The following CDH13 variants were observed in gnomAD, a reference collection of about 807,000 sequenced individuals.
CDH13 encodes cadherin 13, also known as cadherin-13.
In CDH13, 24 loss-of-function variants were observed where a neutral mutation model predicts 63.8. The ratio of observed to expected loss-of-function variants is 0.38; its 90% CI spans 0.27 to 0.53. The LOEUF (loss-of-function observed/expected upper bound fraction) is 0.53, where lower values mean the gene tolerates loss of function less well. Among genes scored for constraint, CDH13 ranks in the 20% least tolerant of loss-of-function variants. CDH13 has a pLI of 0.85. For missense variants in CDH13, 1,049 were observed against 903.1 expected (o/e 1.16, Z -2.07); for synonymous variants, 503 against 355.3 (o/e 1.42, Z -4.67).
intron 7 of CDH13, among the ~76,000 whole-genome samples, chr16:83,583,641 C>T (rs976659782): frequency 6.6e-6 from 1 of 152,196 alleles, no homozygotes; most frequent in Non-Finnish European, 1.5e-5. Context: ...GATTTGGTGG[C>T]TCACGCCTAT....
intron 2 of CDH13, among the ~76,000 whole-genome samples, chr16:82,888,581 G>A (rs1482825318): frequency 6.6e-6 from 1 of 152,298 alleles, no homozygotes; most frequent in East Asian, 1.9e-4. Context: ...ACTGTTCTCA[G>A]CCATTAAAGC....
intron 10 of CDH13, among the ~76,000 whole-genome samples, chr16:83,699,153 C>T (rs945059359): frequency 5.3e-5 from 8 of 152,198 alleles, no homozygotes; most frequent in Non-Finnish European, 4.4e-5. Context: ...AGACATGGCC[C>T]CCAAAGCACG....
chr16:82,662,408 A>G (rs978505870), intron 1 of CDH13, among the ~76,000 whole-genome samples: 1 of 152,228 alleles, frequency 6.6e-6, no homozygotes, highest in Non-Finnish European at 1.5e-5. Flanking sequence ...TACTGTTGTA[A>G]TTAAAAAGAG....
intron 8 of CDH13, among the ~76,000 whole-genome samples, chr16:83,653,375 A>T (rs1434805280): frequency 9.9e-5 from 15 of 152,144 alleles, no homozygotes; most frequent in Admixed American, 9.8e-4. Context: ...ACTATAGGGG[A>T]TGTCACCCAA....
At chr16:83,749,272 C>T (rs1049387022) in intron 11 of CDH13, among the ~76,000 whole-genome samples, 6 of 152,122 alleles carry the variant, frequency 3.9e-5, no homozygotes, top group African/African-American at 1.2e-4. Flanking sequence ...CCTCGTATGC[C>T]GGCTACTCAC....
At chr16:83,030,672 T>G (rs989116534) in intron 2 of CDH13, among the ~76,000 whole-genome samples, 1 of 136,884 alleles carries the variant, frequency 7.3e-6, no homozygotes, top group Non-Finnish European at 1.6e-5. Context: ...AAGCACCCTG[T>G]GTGATTCTGA....
At position 82,992,537 on chromosome 16, in the gene CDH13, A is replaced by G. The variant is rs190412446; in HGVS notation, c.158-39473A>G. Among the ~76,000 whole-genome samples, 224 of 152,348 alleles carry G rather than the reference A, an allele frequency of 1.5e-3. 1 individual carries two copies. The highest frequency in any genetic ancestry group is 5.1e-3 in the African/African-American group (212 of 41,584). On this transcript the variant is annotated intron_variant, in intron 2 of 13. Coordinates refer to ENST00000567109, the MANE Select transcript of CDH13 (RefSeq NM_001257.5). Reference sequence around the variant, plus strand: ...ACTTTAGAGATAATCTAACATTCTCAGAGACTAGAATTCTGCAGTGTTCTG... The same window carrying G: ...ACTTTAGAGATAATCTAACATTCTCGGAGACTAGAATTCTGCAGTGTTCTG...
At chr16:83,341,688 A>C (rs1240042599) in intron 5 of CDH13, among the ~76,000 whole-genome samples, 1 of 152,080 alleles carries the variant, frequency 6.6e-6, no homozygotes, top group African/African-American at 2.4e-5. Flanking sequence ...CTTGGTTTAG[A>C]TTGTTCTACG....
chr16:83,178,254 T>C (rs942821008), intron 4 of CDH13, among the ~76,000 whole-genome samples: 1 of 152,122 alleles, frequency 6.6e-6, no homozygotes, highest in African/African-American at 2.4e-5. Flanking sequence ...TTAATGCACC[T>C]GTGGCTGTAC....
intron 2 of CDH13, among the ~76,000 whole-genome samples, chr16:82,944,680 A>G (rs1187723847): frequency 6.6e-6 from 1 of 152,152 alleles, no homozygotes; most frequent in Non-Finnish European, 1.5e-5. Context: ...ACTGTTGAGA[A>G]ACCCTGGGTA....
At chr16:82,647,486 G>A (rs1910231915) in intron 1 of CDH13, among the ~76,000 whole-genome samples, 1 of 152,108 alleles carries the variant, frequency 6.6e-6, no homozygotes, top group Admixed American at 6.5e-5. Flanking sequence ...ACAGACGAGG[G>A]GTCTGTTACT....
intron 1 of CDH13, among the ~76,000 whole-genome samples, chr16:82,746,767 T>G (rs2034195681): frequency 2.0e-5 from 3 of 152,172 alleles, no homozygotes; most frequent in Admixed American, 2.0e-4. Context: ...AATTTCAGCT[T>G]ATAAAGAAGT....
At chr16:83,720,841 G>A (rs1289503011) in intron 10 of CDH13, among the ~76,000 whole-genome samples, 2 of 152,172 alleles carry the variant, frequency 1.3e-5, no homozygotes, top group Non-Finnish European at 2.9e-5. Context: ...CTTCTTTCAA[G>A]CAAGGTCCTG....
At chr16:82,820,063 A>G (rs563058900) in intron 1 of CDH13, among the ~76,000 whole-genome samples, 5 of 152,272 alleles carry the variant, frequency 3.3e-5, no homozygotes, top group African/African-American at 9.6e-5. Flanking sequence ...TTCCCTGCAC[A>G]TGTCATTAAT....
intron 7 of CDH13, among the ~76,000 whole-genome samples, chr16:83,555,011 C>G (rs576881899): frequency 5.1e-4 from 78 of 151,824 alleles, no homozygotes; most frequent in Non-Finnish European, 8.7e-4. Context: ...CAGACAGAAC[C>G]CTGCGGGGCC....
chr16:83,366,849 T>C (rs577587781), intron 6 of CDH13, among the ~76,000 whole-genome samples: 13 of 152,320 alleles, frequency 8.5e-5, no homozygotes, highest in African/African-American at 2.9e-4. Flanking sequence ...ATAAATTGCC[T>C]TGATTTATCA....
At position 82,656,967 on chromosome 16, in the gene CDH13, T is replaced by C. The variant is rs117873583; in HGVS notation, c.45+29830T>C. ...TGAATAATATTTCATTGTCTGGATG[T>C]ATCACAGTTTATCCATTGACCTACT... On this transcript the variant is annotated intron_variant, in intron 1 of 13. Transcript: ENST00000567109. 7.4e-3 allele frequency among the ~76,000 whole-genome samples: 1,130 copies of C among 151,824 alleles called. 13 individuals are homozygous for C. Among genetic ancestry groups the C allele is most frequent in the South Asian group, 0.055 (261 of 4,778 alleles).
chr16:82,988,297 G>A (rs2151398193), intron 2 of CDH13, among the ~76,000 whole-genome samples: 1 of 152,294 alleles, frequency 6.6e-6, no homozygotes, highest in East Asian at 1.9e-4. Flanking sequence ...GGGCATCCAA[G>A]GTGAGGAGAC....
intron 1 of CDH13, among the ~76,000 whole-genome samples, chr16:82,830,613 T>C (rs1423043169): frequency 2.0e-5 from 3 of 152,222 alleles, no homozygotes; most frequent in African/African-American, 4.8e-5. Flanking sequence ...TTATTTGTAA[T>C]GACATTAATT....
Sources: gnomAD v4.1 joint callset for allele counts (sites outside exome capture counted in the v4.1 genomes callset) on GRCh38, gnomAD v4.1.1 for gene constraint, MANE v1.5 for transcripts, NCBI Gene and HGNC (gene_info 2026-07-23, HGNC 2026-07-21) for gene names.